The following HERC4 variants were observed in gnomAD, a reference collection of about 807,000 sequenced individuals.
The protein encoded by HERC4 is probable E3 ubiquitin-protein ligase HERC4.
A neutral mutation model predicts 124.3 loss-of-function variants in HERC4; 28 were observed. The ratio of observed to expected loss-of-function variants is 0.23; its 90% confidence interval spans 0.17 to 0.31. The LOEUF (loss-of-function observed/expected upper bound fraction) is 0.31, where lower values mean the gene tolerates loss of function less well. Among genes scored for constraint, HERC4 ranks in the 10% least tolerant of loss-of-function variants. The pLI is 1.00. For synonymous variants in HERC4, 407 were observed against 421.5 expected (o/e 0.97, Z 0.42); for missense variants, 713 against 1,229.3 (o/e 0.58, Z 6.28).
At chr10:67,956,815 T>C (rs2132322798) in intron 17 of HERC4, 63 bp downstream of exon 17, 2 of 1,103,064 alleles carry the variant, frequency 1.8e-6, no homozygotes, top group Middle Eastern at 2.3e-4. Context: ...ATTTCAAATA[T>C]TTACTGTCCA....
intron 23 of HERC4, among the ~76,000 whole-genome samples, chr10:67,927,430 A>ATTTTTTTTTTTTT (rs373401588): frequency 2.6e-5 from 1 of 37,926 alleles, no homozygotes; most frequent in African/African-American, 5.8e-5. Flanking sequence ...ATATATATAT[A>ATTTTTTTTTTTTT]TTTTTTTTTT....
Position 68,015,770 on chromosome 10 carries a change from G to A in HERC4, c.909-1584C>T, listed in dbSNP as rs2038225106. On this transcript the variant is annotated intron_variant, in intron 8 of 24. Transcript: ENST00000373700. ...AATAAAGCACTGGTTCTTAACCCTGGCTGCATATTTGAATCATCTTGGGGT... is the reference window on the plus strand; with the variant it reads ...AATAAAGCACTGGTTCTTAACCCTGACTGCATATTTGAATCATCTTGGGGT... 3.3e-5 allele frequency among the ~76,000 whole-genome samples: 5 copies of A among 152,056 alleles called. No individual in the cohort carries two copies. The South Asian group carries it at 1.0e-3, about 31-fold the overall frequency.
chr10:67,971,277 T>G (rs2035216686), intron 15 of HERC4, among the ~76,000 whole-genome samples: 1 of 152,146 alleles, frequency 6.6e-6, no homozygotes, highest in African/African-American at 2.4e-5. Context: ...GATCATTTCT[T>G]AATTCATTTT....
At chr10:68,004,891 C>T (rs1277733884) in intron 9 of HERC4, among the ~76,000 whole-genome samples, 1 of 152,158 alleles carries the variant, frequency 6.6e-6, no homozygotes, top group Non-Finnish European at 1.5e-5. Flanking sequence ...TCCGTTGACA[C>T]ATGGGGATTA....
intron 3 of HERC4, chr10:68,069,834 A>G: frequency 1.5e-6 from 1 of 647,788 alleles, no homozygotes; most frequent in Non-Finnish European, 1.9e-6. Flanking sequence ...CAAGGTCAGG[A>G]TATCAAGACC....
chr10:68,037,993 A>G (rs2039566541), intron 5 of HERC4, 100 bp downstream of exon 5: 1 of 676,802 alleles, frequency 1.5e-6, no homozygotes, highest in Non-Finnish European at 2.5e-6. Flanking sequence ...AACCAGGGCA[A>G]TCTTGCAGAA....
intron 3 of HERC4, among the ~76,000 whole-genome samples, chr10:68,050,486 T>C (rs191881811): frequency 6.6e-5 from 10 of 152,330 alleles, no homozygotes; most frequent in African/African-American, 2.4e-4. Flanking sequence ...TACTAAATAC[T>C]GAAGATAATT....
chr10:67,934,176 T>TCTA (rs1223260842), intron 22 of HERC4, among the ~76,000 whole-genome samples: 2 of 152,238 alleles, frequency 1.3e-5, no homozygotes, highest in Non-Finnish European at 2.9e-5. Flanking sequence ...CCATTCACTT[T>TCTA]CTACTCCCCT....
intron 3 of HERC4, among the ~76,000 whole-genome samples, chr10:68,062,456 TTTA>T (rs929643443): frequency 6.6e-6 from 1 of 152,128 alleles, no homozygotes; most frequent in African/African-American, 2.4e-5. Context: ...CCTTTCTTGC[TTTA>T]AAGGACTACC....
At chr10:68,051,057 G>C (rs1339445936) in intron 3 of HERC4, among the ~76,000 whole-genome samples, 1 of 141,286 alleles carries the variant, frequency 7.1e-6, no homozygotes, top group Non-Finnish European at 1.5e-5. Context: ...GTTAAGGGGG[G>C]ATTAAACCAC....
Position 67,925,189 on chromosome 10 carries a change from TA to T in HERC4, c.2839-3del. The T allele has an allele frequency of 6.6e-7, 1 of 1,508,142 alleles. No individual in the cohort carries two copies. The highest frequency in any genetic ancestry group is 9.2e-7 in the Non-Finnish European group (1 of 1,085,194). 93.4% of individuals were successfully genotyped at this position (1,508,142 alleles called of 1,614,324 possible). On this transcript the variant is annotated splice_polypyrimidine_tract_variant and splice_region_variant and intron_variant, in intron 23 of 24. Transcript: ENST00000373700. ...ATATTCCCCTTTGTATTCTGTATTCTAAAAACAACATAATCTTTTATTAGTA... is the reference window on the plus strand; with the variant it reads ...ATATTCCCCTTTGTATTCTGTATTCTAAAACAACATAATCTTTTATTAGTA...
intron 9 of HERC4, among the ~76,000 whole-genome samples, chr10:67,999,216 A>G (rs1025648028): frequency 2.0e-5 from 3 of 152,248 alleles, no homozygotes; most frequent in Non-Finnish European, 4.4e-5. Flanking sequence ...CATATCAGAC[A>G]TAAGAGTCAC....
At chr10:67,975,320 GA>G (rs1421570046) in intron 15 of HERC4, among the ~76,000 whole-genome samples, 7 of 152,122 alleles carry the variant, frequency 4.6e-5, no homozygotes, top group African/African-American at 1.7e-4. Flanking sequence ...TGATCATAAA[GA>G]TGAGTATACT....
At chr10:68,026,253 A>G (rs1442976122) in intron 7 of HERC4, among the ~76,000 whole-genome samples, 1 of 151,972 alleles carries the variant, frequency 6.6e-6, no homozygotes, top group Non-Finnish European at 1.5e-5. Context: ...GCACCACCAC[A>G]TCTGGCTAAT....
intron 16 of HERC4, 103 bp from the exon 17 acceptor site, chr10:67,957,079 C>T (rs576349273): frequency 5.1e-6 from 3 of 593,806 alleles, no homozygotes; most frequent in South Asian, 6.1e-5. Context: ...TGTTTATTCA[C>T]TCATGTGGTT....
At position 68,018,984 on chromosome 10, in the gene HERC4, G is replaced by C. The variant is rs543197673; in HGVS notation, c.909-4798C>G. 2.4e-5 allele frequency among the ~76,000 whole-genome samples: 3 copies of C among 126,846 alleles called. No homozygotes were observed. The South Asian group carries it at 7.6e-4, about 32-fold the overall frequency. 83.2% of individuals were successfully genotyped at this position (126,846 alleles called of 152,430 possible). ...GTAATAAAGGTCATCATCAGCCAAA[G>C]CATTCTTTCTTTTTTTTTTTTTTTT... On this transcript the variant is annotated intron_variant, in intron 8 of 24. Coordinates refer to ENST00000373700, the MANE Select transcript of HERC4 (RefSeq NM_015601.4).
At chr10:68,032,564 T>C (rs562592522) in intron 7 of HERC4, among the ~76,000 whole-genome samples, 13 of 152,180 alleles carry the variant, frequency 8.5e-5, no homozygotes, top group East Asian at 1.9e-4. Context: ...TCACATATAA[T>C]AGTATATCAG....
At chr10:67,976,386 AAT>A (rs56660491) in intron 15 of HERC4, among the ~76,000 whole-genome samples, 514 of 152,326 alleles carry the variant, frequency 3.4e-3, no homozygotes, top group Admixed American at 7.5e-3. Flanking sequence ...ACTCTTGCAG[AAT>A]ATGATTCACA....
At chr10:67,936,056 G>T in intron 22 of HERC4, 97 bp downstream of exon 22, 2 of 684,108 alleles carry the variant, frequency 2.9e-6, no homozygotes, top group Non-Finnish European at 4.8e-6. Context: ...AAGTTTTATT[G>T]GAGTAAAAGC....
Sources: gnomAD v4.1 joint callset for allele counts (sites outside exome capture counted in the v4.1 genomes callset) on GRCh38, gnomAD v4.1.1 for gene constraint, MANE v1.5 for transcripts, NCBI Gene and HGNC (gene_info 2026-07-23, HGNC 2026-07-21) for gene names.